The following PTPRD variants were observed in gnomAD, a reference collection of about 807,000 sequenced individuals.
The protein encoded by PTPRD is receptor-type tyrosine-protein phosphatase delta.
A neutral mutation model predicts 214.5 loss-of-function variants in PTPRD; 34 were observed. The ratio of observed to expected loss-of-function variants is 0.16; its 90% CI spans 0.12 to 0.21. The LOEUF (loss-of-function observed/expected upper bound fraction) is 0.21, where lower values mean the gene tolerates loss of function less well. Ranked by LOEUF, PTPRD falls within the 10% of genes least tolerant of loss-of-function variation. The probability of loss-of-function intolerance (pLI) is 1.00; values close to 1 mark genes in which losing one functional copy is unlikely to be tolerated. For missense variants in PTPRD, 2,545 were observed against 2,398.7 expected (o/e 1.06, Z -1.27); for synonymous variants, 1,128 against 845.7 (o/e 1.33, Z -5.79).
intron 30 of PTPRD, among the ~76,000 whole-genome samples, chr9:8,478,019 G>A (rs1334508395): frequency 6.6e-6 from 1 of 152,140 alleles, no homozygotes; most frequent in African/African-American, 2.4e-5. Context: ...CAGTTAATGT[G>A]TGTAACATCC....
intron 11 of PTPRD, among the ~76,000 whole-genome samples, chr9:8,780,443 AG>A (rs1304036419): frequency 2.0e-5 from 3 of 152,238 alleles, no homozygotes; most frequent in Non-Finnish European, 4.4e-5. Context: ...TAATTTAATC[AG>A]GAGCCTCCTG....
chr9:9,882,496 A>G (rs1467622454), intron 5 of PTPRD, among the ~76,000 whole-genome samples: 3 of 152,138 alleles, frequency 2.0e-5, no homozygotes, highest in Non-Finnish European at 4.4e-5. Flanking sequence ...TTTATTTTAT[A>G]AAAGGGCTCT....
chr9:10,506,309 A>G (rs566103479), intron 2 of PTPRD, among the ~76,000 whole-genome samples: 2 of 152,300 alleles, frequency 1.3e-5, no homozygotes, highest in African/African-American at 2.4e-5. Context: ...CTCCATATAC[A>G]TCTTTTATAA....
intron 11 of PTPRD, among the ~76,000 whole-genome samples, chr9:8,786,632 C>A (rs1414547721): frequency 2.0e-5 from 3 of 151,314 alleles, no homozygotes; most frequent in Non-Finnish European, 4.4e-5. Context: ...CGAGGCTGGT[C>A]TGGAACTCCT....
intron 14 of PTPRD, among the ~76,000 whole-genome samples, chr9:8,558,666 G>A (rs1045835761): frequency 2.6e-5 from 4 of 152,118 alleles, no homozygotes; most frequent in Non-Finnish European, 2.9e-5. Flanking sequence ...TGTACAAACC[G>A]TTATCTAATA....
chr9:9,091,086 G>A, intron 10 of PTPRD: 2 of 1,428,338 alleles, frequency 1.4e-6, no homozygotes, highest in South Asian at 1.1e-5. Flanking sequence ...ATGCCTATGT[G>A]CTTCCCAAGC....
intron 3 of PTPRD, among the ~76,000 whole-genome samples, chr9:10,290,969 A>T (rs2095509000): frequency 6.6e-6 from 1 of 151,780 alleles, no homozygotes; most frequent in South Asian, 2.1e-4. Context: ...ATATTGACCC[A>T]TCTAACAGTC....
chr9:8,910,583 C>T (rs776139817), intron 11 of PTPRD, among the ~76,000 whole-genome samples: 1 of 152,042 alleles, frequency 6.6e-6, no homozygotes, highest in East Asian at 1.9e-4. Context: ...GCAGGAGGTC[C>T]CCACCAGCAA....
intron 8 of PTPRD, among the ~76,000 whole-genome samples, chr9:9,561,409 C>T (rs1048817463): frequency 6.6e-6 from 1 of 152,178 alleles, no homozygotes; most frequent in Non-Finnish European, 1.5e-5. Flanking sequence ...AACTGTGCCT[C>T]ACGTATTGGT....
chr9:8,373,790 A>G (rs902987000), intron 39 of PTPRD, among the ~76,000 whole-genome samples: 1 of 151,160 alleles, frequency 6.6e-6, no homozygotes, highest in Non-Finnish European at 1.5e-5. Flanking sequence ...AGAGGGTGAA[A>G]TGCATTTTAA....
At chr9:9,953,323 G>C (rs922820934) in intron 4 of PTPRD, among the ~76,000 whole-genome samples, 1 of 152,068 alleles carries the variant, frequency 6.6e-6, no homozygotes, top group South Asian at 2.1e-4. Flanking sequence ...CCTCACCTGA[G>C]CAAAAGGGAT....
chr9:9,750,489 G>T (rs1000387170), intron 6 of PTPRD, among the ~76,000 whole-genome samples: 1 of 152,026 alleles, frequency 6.6e-6, no homozygotes, highest in Non-Finnish European at 1.5e-5. Context: ...GTTTAACCCA[G>T]TTCTGCACCA....
intron 8 of PTPRD, among the ~76,000 whole-genome samples, chr9:9,413,130 C>T (rs1197177663): frequency 1.5e-4 from 5 of 33,746 alleles, no homozygotes; most frequent in African/African-American, 7.3e-4. Flanking sequence ...TTTTTTGAGA[C>T]GGAGTCTCGC....
intron 21 of PTPRD, among the ~76,000 whole-genome samples, chr9:8,509,001 T>A (rs1019061286): frequency 2.1e-4 from 32 of 152,014 alleles, no homozygotes; most frequent in Non-Finnish European, 1.2e-4. Flanking sequence ...GCCTTCATCA[T>A]CTTTTCTCTC....
intron 2 of PTPRD, among the ~76,000 whole-genome samples, chr9:10,564,401 T>C (rs2065015323): frequency 6.6e-6 from 1 of 151,350 alleles, no homozygotes; most frequent in African/African-American, 2.4e-5. Flanking sequence ...CTTTTAAATT[T>C]TGGCAGTAGG....
chr9:10,424,744 A>G (rs1194172026), intron 2 of PTPRD, among the ~76,000 whole-genome samples: 2 of 151,996 alleles, frequency 1.3e-5, no homozygotes, highest in African/African-American at 2.4e-5. Context: ...TATGTGTTCA[A>G]TATTCACTGC....
chr9:8,919,632 A>G lies in PTPRD; in HGVS notation c.-104+99065T>C, dbSNP rs553398435. Among the ~76,000 whole-genome samples the G allele has an allele frequency of 2.6e-5, 4 of 152,254 alleles. No individual in the cohort carries two copies. The South Asian group carries it at 6.2e-4, about 24-fold the overall frequency. ...CTATTTTTTCCATATACAGATGTTC[A>G]TCTTAGGTATAATCACATTTATAGT... On this transcript the variant is annotated intron_variant, in intron 11 of 45. Transcript: ENST00000381196.
At chr9:8,935,029 A>T (rs2098987319) in intron 11 of PTPRD, among the ~76,000 whole-genome samples, 1 of 152,166 alleles carries the variant, frequency 6.6e-6, no homozygotes, top group African/African-American at 2.4e-5. Flanking sequence ...ACACACACAG[A>T]GAGATATATG....
Position 8,360,621 on chromosome 9 carries a change from T to G in PTPRD, c.4661+15315A>C, listed in dbSNP as rs1588643946. ...CTCTATAACCCACAGTTTTGCACAGTGAAGTTGTAATAAATATTTACTGGT... is the reference window on the plus strand; with the variant it reads ...CTCTATAACCCACAGTTTTGCACAGGGAAGTTGTAATAAATATTTACTGGT... On this transcript the variant is annotated intron_variant, in intron 39 of 45. Transcript: ENST00000381196. Among the ~76,000 whole-genome samples, 3 of 152,194 alleles carry G rather than the reference T, an allele frequency of 2.0e-5. No homozygotes were observed. In the East Asian group the frequency reaches 5.8e-4, roughly 29 times the overall value.
Sources: allele counts gnomAD v4.1 joint callset (sites outside exome capture counted in the v4.1 genomes callset), GRCh38; gene constraint gnomAD v4.1.1; transcripts MANE v1.5; gene names NCBI Gene and HGNC (gene_info 2026-07-23, HGNC 2026-07-21).